Variants in SGCZ observed in about 807,000 individuals in gnomAD.
SGCZ encodes sarcoglycan zeta, also known as zeta-sarcoglycan.
In SGCZ, 40 loss-of-function variants were observed where a neutral mutation model predicts 41.3. That is an observed-to-expected ratio of 0.97 (90% CI 0.75 to 1.26). SGCZ has a LOEUF of 1.26. Ranked by LOEUF, SGCZ falls within the 50% of genes most tolerant of loss-of-function variation. The pLI is 0.00. For synonymous variants in SGCZ, 206 were observed against 137.5 expected, an observed-to-expected ratio of 1.50 and a Z score of -3.49; for missense variants, 552 against 369.8, an observed-to-expected ratio of 1.49 and a Z score of -4.04.
intron 1 of SGCZ, among the ~76,000 whole-genome samples, chr8:14,841,914 C>T (rs984852425): frequency 1.3e-5 from 2 of 152,144 alleles, no homozygotes. Context: ...CTGTGCTCTT[C>T]ACATGGATTT....
intron 2 of SGCZ, among the ~76,000 whole-genome samples, chr8:14,492,558 GAAGAA>G (rs1176684663): frequency 1.3e-5 from 2 of 152,064 alleles, no homozygotes; most frequent in African/African-American, 4.8e-5. Context: ...CAAGATTTAC[GAAGAA>G]AAGTGAAAGC....
intron 1 of SGCZ, among the ~76,000 whole-genome samples, chr8:14,599,439 C>T (rs1332822840): frequency 6.6e-6 from 1 of 152,224 alleles, no homozygotes; most frequent in African/African-American, 2.4e-5. Context: ...CACACAGCCA[C>T]TCTGACTGGT....
intron 1 of SGCZ, among the ~76,000 whole-genome samples, chr8:14,577,032 C>G (rs1804732068): frequency 6.6e-6 from 1 of 152,194 alleles, no homozygotes; most frequent in South Asian, 2.1e-4. Flanking sequence ...AATATCTAAA[C>G]TGTACATTTC....
chr8:14,084,862 T>G lies in SGCZ; in HGVS notation c.*5581A>C, dbSNP rs1245336029. Among the ~76,000 whole-genome samples, 2 of 151,874 alleles carry G rather than the reference T, an allele frequency of 1.3e-5. No individual in the cohort carries two copies. Among genetic ancestry groups the G allele is most frequent in the African/African-American group, 2.4e-5 (1 of 41,416 alleles). ...ATATCATGTAAGTTTTTATCCTCTTTGTTTTGACTATCACATTTAATCATG... is the reference window on the plus strand; with the variant it reads ...ATATCATGTAAGTTTTTATCCTCTTGGTTTTGACTATCACATTTAATCATG... On this transcript the variant is annotated 3_prime_UTR_variant, in exon 8 of 8. Coordinates refer to ENST00000382080, the MANE Select transcript of SGCZ (RefSeq NM_139167.4).
chr8:14,181,300 G>C (rs1035305053), intron 4 of SGCZ, among the ~76,000 whole-genome samples: 1 of 152,182 alleles, frequency 6.6e-6, no homozygotes, highest in Non-Finnish European at 1.5e-5. Context: ...AAGTTCAATT[G>C]TTGGGTATAT....
At chr8:14,308,690 G>C (rs1006771153) in intron 3 of SGCZ, among the ~76,000 whole-genome samples, 1 of 152,040 alleles carries the variant, frequency 6.6e-6, no homozygotes, top group African/African-American at 2.4e-5. Flanking sequence ...ATGGATTTTA[G>C]TATGAAGATA....
In SGCZ at chr8:14,751,042, T is replaced by C. The variant is rs117309476; in HGVS notation, c.40-196116A>G. 4.6e-3 allele frequency among the ~76,000 whole-genome samples: 706 copies of C among 152,358 alleles called. 2 individuals are homozygous for C. The highest frequency in any genetic ancestry group is 0.011 in the East Asian group (57 of 5,188). ...AATATGAAATCTGCTATTGCTATCATATGTACAACTCTTTTTAAATTGGAT... is the reference window on the plus strand; with the variant it reads ...AATATGAAATCTGCTATTGCTATCACATGTACAACTCTTTTTAAATTGGAT... On this transcript the variant is annotated intron_variant, in intron 1 of 7. Transcript: ENST00000382080.
chr8:14,346,322 T>C (rs932811770), intron 2 of SGCZ, among the ~76,000 whole-genome samples: 1 of 152,080 alleles, frequency 6.6e-6, no homozygotes, highest in East Asian at 1.9e-4. Flanking sequence ...ATCTTTGAGA[T>C]AAAATATACA....
At chr8:14,989,681 G>C (rs1226772640) in intron 1 of SGCZ, among the ~76,000 whole-genome samples, 4 of 152,138 alleles carry the variant, frequency 2.6e-5, no homozygotes, top group Non-Finnish European at 4.4e-5. Context: ...AAATAACCTA[G>C]TCACCCTCAC....
At chr8:15,126,725 G>A (rs769209521) in intron 1 of SGCZ, among the ~76,000 whole-genome samples, 1 of 152,120 alleles carries the variant, frequency 6.6e-6, no homozygotes, top group Non-Finnish European at 1.5e-5. Context: ...GTGTACAGAG[G>A]CACCGAGACT....
At chr8:14,637,022 G>A (rs1482646868) in intron 1 of SGCZ, among the ~76,000 whole-genome samples, 1 of 151,286 alleles carries the variant, frequency 6.6e-6, no homozygotes, top group Non-Finnish European at 1.5e-5. Flanking sequence ...TTCTACTTCT[G>A]GCCTTCATTG....
Position 14,551,550 on chromosome 8 carries a change from TAATATATATTA to T in SGCZ, c.234+3171_234+3181del, listed in dbSNP as rs1563404698. Among the ~76,000 whole-genome samples the T allele has an allele frequency of 7.5e-3, 72 of 9,544 alleles. 2 individuals are homozygous for T. The highest frequency in any genetic ancestry group is 0.011 in the South Asian group (5 of 452). The allele number at this position is 9,544 out of a possible 152,430, so 6.3% of individuals were successfully genotyped here. A position where few individuals can be genotyped will look rare whatever the true frequency, so the allele number is the denominator to read the frequency against. On this transcript the variant is annotated intron_variant, in intron 2 of 7. Transcript: ENST00000382080. ...ATATATATAATATATATAATATATATAATATATATTATATATATAATATATATATAATATAT... is the reference window on the plus strand; with the variant it reads ...ATATATATAATATATATAATATATATTATATATAATATATATATAATATAT...
At chr8:15,017,688 C>T (rs544461290) in intron 1 of SGCZ, among the ~76,000 whole-genome samples, 7 of 151,998 alleles carry the variant, frequency 4.6e-5, no homozygotes, top group Admixed American at 3.9e-4. Context: ...CATATTTTTA[C>T]AGAGACAGGG....
intron 4 of SGCZ, among the ~76,000 whole-genome samples, chr8:14,172,307 T>A (rs1415964707): frequency 6.6e-6 from 1 of 152,162 alleles, no homozygotes; most frequent in Non-Finnish European, 1.5e-5. Context: ...CTTTCAAGAT[T>A]GTGGCAACAA....
chr8:14,385,550 A>G (rs1700510824), intron 2 of SGCZ, among the ~76,000 whole-genome samples: 1 of 152,148 alleles, frequency 6.6e-6, no homozygotes, highest in African/African-American at 2.4e-5. Flanking sequence ...AAGTTAGAAA[A>G]CACAACAAAG....
At chr8:14,358,810 C>T (rs1252972099) in intron 2 of SGCZ, among the ~76,000 whole-genome samples, 1 of 151,954 alleles carries the variant, frequency 6.6e-6, no homozygotes, top group Admixed American at 6.6e-5. Flanking sequence ...GGGGTTTCAC[C>T]ATCTTGGCCA....
chr8:14,390,329 G>A (rs891473157), intron 2 of SGCZ, among the ~76,000 whole-genome samples: 8 of 150,766 alleles, frequency 5.3e-5, no homozygotes, highest in East Asian at 1.9e-4. Context: ...ATTAAAATAC[G>A]TACTATATTT....
At chr8:14,510,188 GTT>G (rs1802428178) in intron 2 of SGCZ, among the ~76,000 whole-genome samples, 1 of 152,062 alleles carries the variant, frequency 6.6e-6, no homozygotes, top group Admixed American at 6.6e-5. Flanking sequence ...TAAGTTTTGA[GTT>G]TATTATTAAA....
At chr8:14,997,132 T>A (rs1275615299) in intron 1 of SGCZ, among the ~76,000 whole-genome samples, 1 of 152,192 alleles carries the variant, frequency 6.6e-6, no homozygotes. Flanking sequence ...CGATTGCATA[T>A]CTCTTTGCTT....
Sources: allele counts gnomAD v4.1 joint callset (sites outside exome capture counted in the v4.1 genomes callset), GRCh38; gene constraint gnomAD v4.1.1; transcripts MANE v1.5; gene names NCBI Gene and HGNC (gene_info 2026-07-23, HGNC 2026-07-21).